ZBTB11: variants seen among roughly 807,000 people sequenced by gnomAD.
The protein encoded by ZBTB11 is zinc finger and BTB domain containing 11.
In ZBTB11, 68 loss-of-function variants were observed where a neutral mutation model predicts 113.1. The observed-to-expected ratio is 0.60, with a 90% confidence interval of 0.49 to 0.74. The LOEUF is 0.74. Among genes scored for constraint, ZBTB11 ranks in the 30% least tolerant of loss-of-function variants. The probability of loss-of-function intolerance (pLI) is 0.00; values close to 1 mark genes in which losing one functional copy is unlikely to be tolerated. For synonymous variants in ZBTB11, 518 were observed against 452.6 expected, an observed-to-expected ratio of 1.14 and a Z score of -1.83; for missense variants, 1,104 against 1,279.4, an observed-to-expected ratio of 0.86 and a Z score of 2.09.
chr3:101,670,717 A>C (rs563855401), intron 3 of ZBTB11: 122 of 164,906 alleles, frequency 7.4e-4, no homozygotes, highest in African/African-American at 2.6e-3. Flanking sequence ...ACAGCCTGGA[A>C]CTCCTGACCT....
chr3:101,670,971 GA>G, intron 3 of ZBTB11, 158 bp downstream of exon 3: 1 of 594,800 alleles, frequency 1.7e-6, no homozygotes, highest in Non-Finnish European at 3.0e-6. Context: ...CTCTACCACA[GA>G]AATCTTGCTA....
At chr3:101,675,800 G>T (rs374142161) in intron 1 of ZBTB11, among the ~76,000 whole-genome samples, 1 of 152,138 alleles carries the variant, frequency 6.6e-6, no homozygotes, top group East Asian at 1.9e-4. Context: ...AACATTCAGA[G>T]TTACGAATAT....
chr3:101,670,800 C>A, intron 3 of ZBTB11: 1 of 230,178 alleles, frequency 4.3e-6, no homozygotes, highest in South Asian at 6.8e-5. Context: ...CTAGCTTAAA[C>A]AATCAATTTT....
At position 101,651,135 on chromosome 3, in the gene ZBTB11, A is replaced by T. The variant is rs939162794; in HGVS notation, c.*31T>A. 6 of 1,536,256 alleles carry T rather than the reference A, an allele frequency of 3.9e-6. No individual in the cohort carries two copies. In the African/African-American group the frequency reaches 6.9e-5, roughly 18 times the overall value. Reference sequence around the variant, plus strand: ...GTTCTGTGAGTTCAGTGTACAAGAGATGTCACTTCTTTTTATCTTCATTAA... The same window carrying T: ...GTTCTGTGAGTTCAGTGTACAAGAGTTGTCACTTCTTTTTATCTTCATTAA... On this transcript the variant is annotated 3_prime_UTR_variant, in exon 11 of 11. Transcript: ENST00000312938.
chr3:101,652,485 A>C lies in ZBTB11; in HGVS notation c.2644+11T>G. 1 of 1,609,768 alleles carries C rather than the reference A, an allele frequency of 6.2e-7. No individual in the cohort carries two copies. On this transcript the variant is annotated intron_variant, in intron 10 of 10. Coordinates refer to ENST00000312938, the MANE Select transcript of ZBTB11 (RefSeq NM_014415.4). ...TTCTATAAGGATACATATAATATAAAGTATAGTTACCTTCATGGTTGTTCA... is the reference window on the plus strand; with the variant it reads ...TTCTATAAGGATACATATAATATAACGTATAGTTACCTTCATGGTTGTTCA...
intron 4 of ZBTB11, 108 bp downstream of exon 4, chr3:101,664,856 G>T: frequency 6.7e-7 from 1 of 1,490,090 alleles, no homozygotes; most frequent in Non-Finnish European, 9.0e-7. Flanking sequence ...TTGCTACCTT[G>T]TACCCATCTC....
intron 3 of ZBTB11, among the ~76,000 whole-genome samples, chr3:101,666,664 A>G (rs1285427039): frequency 2.0e-5 from 3 of 152,248 alleles, no homozygotes; most frequent in African/African-American, 7.2e-5. Context: ...TTACACAGTG[A>G]TAATTCCATA....
chr3:101,664,734 A>C lies in ZBTB11; in HGVS notation c.1624-20T>G. 1 of 1,568,074 alleles carries C rather than the reference A, an allele frequency of 6.4e-7. No individual in the cohort carries two copies. The highest frequency in any genetic ancestry group is 8.6e-7 in the Non-Finnish European group (1 of 1,163,420). On this transcript the variant is annotated intron_variant, in intron 4 of 10. Transcript: ENST00000312938. ...AGCCACCTAGTAAGGGATAGAAATC[A>C]CAATCTAAGTAAATCTACTCAATTT...
At chr3:101,670,154 A>G (rs1576652144) in intron 3 of ZBTB11, among the ~76,000 whole-genome samples, 1 of 152,342 alleles carries the variant, frequency 6.6e-6, no homozygotes, top group South Asian at 2.1e-4. Flanking sequence ...ATAAACATAA[A>G]GCCACTGCTA....
intron 3 of ZBTB11, chr3:101,670,736 T>A (rs1937074172): frequency 5.7e-6 from 1 of 176,848 alleles, no homozygotes; most frequent in African/African-American, 2.4e-5. Context: ...CTTAAGCAGA[T>A]CCTCACATCC....
In ZBTB11 at chr3:101,671,459, A is replaced by G. The variant is rs1028684366; in HGVS notation, c.547-98T>C. On this transcript the variant is annotated intron_variant, in intron 2 of 10. Coordinates refer to ENST00000312938, the MANE Select transcript of ZBTB11 (RefSeq NM_014415.4). ...GACACATTACATATTACCTTTTACC[A>G]GGTATGAATAATTTGATATTTTCTT... 4.9e-6 allele frequency: 4 copies of G among 813,360 alleles called. No homozygotes were observed. The African/African-American group carries it at 6.9e-5, about 14-fold the overall frequency. The allele number at this position is 813,360 out of a possible 1,614,324, so 50.4% of individuals were successfully genotyped here.
At position 101,659,827 on chromosome 3, in the gene ZBTB11, T is replaced by C; in HGVS notation, c.2002A>G (p.Ile668Val). The C allele has an allele frequency of 2.5e-6, 4 of 1,614,222 alleles. No homozygotes were observed. Among genetic ancestry groups the C allele is most frequent in the South Asian group, 2.2e-5 (2 of 91,088 alleles). ...RTLPKLYSLR[I>V]HMLKHTGVKP... is the part of the protein sequence containing the mutation. ...ACACCTGTGTGCTTTAACATATGTA[T>C]TCGGAGAGAATATAATTTAGGTAAT... The change falls in exon 6 of 11, where the codon ATA (isoleucine) becomes GTA (valine). Residue 668 changes from isoleucine (I) to valine (V), a missense_variant. Around this residue, in one of 5 missense-constraint regions of ZBTB11, gnomAD observed 535 missense variants for 518.6 expected, o/e 1.03. Transcript: ENST00000312938.
Position 101,677,104 on chromosome 3 carries a change from T to G in ZBTB11, c.-190A>C. On this transcript the variant is annotated 5_prime_UTR_variant, in exon 1 of 11. Coordinates refer to ENST00000312938, the MANE Select transcript of ZBTB11 (RefSeq NM_014415.4). ...GTTGGTAACCAGGGGGAACTGCACT[T>G]CTCCAGCGCGCGGGATCCGCTGGCG... is the stretch of plus-strand genomic sequence containing the variant. 1.7e-6 allele frequency: 1 copy of G among 601,650 alleles called. No homozygotes were observed. The highest frequency in any genetic ancestry group is 2.7e-6 in the Non-Finnish European group (1 of 368,038). The allele number at this position is 601,650 out of a possible 1,614,324, so 37.3% of individuals were successfully genotyped here. A position where few individuals can be genotyped will look rare whatever the true frequency, so the allele number is the denominator to read the frequency against.
In ZBTB11 at chr3:101,672,069, G is replaced by A. The variant is rs765511899; in HGVS notation, c.455C>T (p.Ser152Leu). Residue 152 changes from serine (S) to leucine (L), a missense_variant, in exon 2 of 11, where the codon TCG becomes TTG. Ser to Leu is a moderately radical substitution (Grantham distance 145, BLOSUM62 -2). Around this residue, in one of 5 missense-constraint regions of ZBTB11, gnomAD observed 245 missense variants for 272.5 expected, o/e 0.90. Transcript: ENST00000312938. The part of the protein sequence containing the change: ...DLESGEESNE[S>L]EDDLSNFTSS... ...AGTAAAGTTGCTCAGGTCATCTTCCGATTCATTACTTTCTTCTCCAGATTC... is the reference window on the plus strand; with the variant it reads ...AGTAAAGTTGCTCAGGTCATCTTCCAATTCATTACTTTCTTCTCCAGATTC... 1.1e-5 allele frequency: 17 copies of A among 1,614,106 alleles called. No homozygotes were observed. The highest frequency in any genetic ancestry group is 1.7e-4 in the Middle Eastern group (1 of 6,060).
At position 101,650,427 on chromosome 3, in the gene ZBTB11, T is replaced by G. The variant is rs1936682164; in HGVS notation, c.*739A>C. ...ACTGTGTTCTTTTCTCATGGTCAAT[T>G]TACTTGCCTTGAAGAAATAGTATAG... On this transcript the variant is annotated 3_prime_UTR_variant, in exon 11 of 11. Coordinates refer to ENST00000312938, the MANE Select transcript of ZBTB11 (RefSeq NM_014415.4). The G allele has an allele frequency of 1.3e-5, 2 of 152,646 alleles. No individual in the cohort carries two copies. Among genetic ancestry groups the G allele is most frequent in the Admixed American group, 1.3e-4 (2 of 15,278 alleles). 9.5% of individuals were successfully genotyped at this position (152,646 alleles called of 1,614,324 possible).
At position 101,659,892 on chromosome 3, in the gene ZBTB11, C is replaced by G. The variant is rs1283727849; in HGVS notation, c.1937G>C (p.Arg646Thr). Reference protein sequence around the residue: ...EASGTSSEKGRTKREFICSIC... With the variant: ...EASGTSSEKGTTKREFICSIC... ...GGAACATATAAATTCCCGCTTGGTT[C>G]TGCCCTTCTCAGATGATGTTCCCGA... Residue 646 changes from arginine to threonine, a missense_variant, in exon 6 of 11, where the codon AGA (arginine) becomes ACA (threonine). Transcript: ENST00000312938. 2 of 1,614,170 alleles carry G rather than the reference C, an allele frequency of 1.2e-6. No homozygotes were observed. Among genetic ancestry groups the G allele is most frequent in the Admixed American group, 3.3e-5 (2 of 60,026 alleles).
At chr3:101,664,901 C>T (rs1043710775) in intron 4 of ZBTB11, 63 bp downstream of exon 4, 2 of 1,541,104 alleles carry the variant, frequency 1.3e-6, no homozygotes, top group Non-Finnish European at 1.7e-6. Context: ...GCCATAAGTT[C>T]ATCAATACAA....
At chr3:101,661,521 G>C (rs576872775) in intron 5 of ZBTB11, among the ~76,000 whole-genome samples, 1 of 152,236 alleles carries the variant, frequency 6.6e-6, no homozygotes, top group Non-Finnish European at 1.5e-5. Context: ...CTGATTGGCT[G>C]TAAGAATTCA....
intron 6 of ZBTB11, among the ~76,000 whole-genome samples, chr3:101,658,045 C>T (rs1251735708): frequency 6.6e-6 from 1 of 152,056 alleles, no homozygotes; most frequent in African/African-American, 2.4e-5. Context: ...TGCATGTTTA[C>T]AACAGCACAA....
Sources: gnomAD v4.1 joint callset for allele counts (sites outside exome capture counted in the v4.1 genomes callset) on GRCh38, gnomAD v4.1.1 for gene constraint, gnomAD v4.1.1 regional missense constraint, MANE v1.5 for transcripts, NCBI Gene and HGNC (gene_info 2026-07-23, HGNC 2026-07-21) for gene names.